Variants in ARFGEF2 observed in about 807,000 individuals in gnomAD.
ARFGEF2 encodes brefeldin A-inhibited guanine nucleotide-exchange protein 2.
A neutral mutation model predicts 219.9 loss-of-function variants in ARFGEF2; 74 were observed. The observed-to-expected ratio is 0.34, with a 90% CI of 0.28 to 0.41. The LOEUF (loss-of-function observed/expected upper bound fraction) is 0.41, where lower values mean the gene tolerates loss of function less well. Among genes scored for constraint, ARFGEF2 ranks in the 10% least tolerant of loss-of-function variants. The pLI, the probability that ARFGEF2 is intolerant of heterozygous loss-of-function variation, is 1.00. For synonymous variants in ARFGEF2, 733 were observed against 799.2 expected, an observed-to-expected ratio of 0.92 and a Z score of 1.40; for missense variants, 1,743 against 2,218.3, an observed-to-expected ratio of 0.79 and a Z score of 4.30.
intron 6 of ARFGEF2, among the ~76,000 whole-genome samples, chr20:48,955,756 C>T (rs748395299): frequency 2.0e-5 from 3 of 152,094 alleles, no homozygotes; most frequent in Admixed American, 6.6e-5. Context: ...TGGGTCAGAA[C>T]GGAAGTGTGC....
chr20:49,017,654 AATT>A, intron 33 of ARFGEF2, 104 bp downstream of exon 33: 1 of 1,145,200 alleles, frequency 8.7e-7, no homozygotes, highest in Non-Finnish European at 1.3e-6. Context: ...AAGTGAGTAA[AATT>A]ATAAGATCTA....
At chr20:48,980,963 G>T (rs2091292116) in intron 14 of ARFGEF2, among the ~76,000 whole-genome samples, 1 of 152,060 alleles carries the variant, frequency 6.6e-6, no homozygotes, top group African/African-American at 2.4e-5. Context: ...TTTAATTGGG[G>T]CATTTATCCC....
rs1253532370 is a variant in ARFGEF2, at chr20:48,922,046, C to T, written c.121+36C>T. 5.1e-6 allele frequency: 8 copies of T among 1,560,452 alleles called. No homozygotes were observed. The African/African-American group carries it at 9.5e-5, about 19-fold the overall frequency. On this transcript the variant is annotated intron_variant, in intron 1 of 38. Transcript: ENST00000371917. ...CGCTCCCGCCCTGCCCCGCGCTGGC[C>T]TCAGCACGTCGGCCGTTGCCCTATC... is the stretch of plus-strand genomic sequence containing the variant.
Position 49,027,885 on chromosome 20 carries a change from T to A in ARFGEF2, c.4925-645T>A, listed in dbSNP as rs1268693610. ...GCTCATGTCTGTAATCCCATTCCTT[T>A]GGAAAGCTAAGACAGGAGGATTGCT... On this transcript the variant is annotated intron_variant, in intron 36 of 38. Transcript: ENST00000371917. 3.3e-5 allele frequency among the ~76,000 whole-genome samples: 5 copies of A among 152,228 alleles called. No individual in the cohort carries two copies. In the South Asian group the frequency reaches 6.2e-4, roughly 19 times the overall value.
intron 1 of ARFGEF2, among the ~76,000 whole-genome samples, chr20:48,934,639 A>G (rs1413029944): frequency 6.6e-6 from 1 of 152,188 alleles, no homozygotes; most frequent in Non-Finnish European, 1.5e-5. Flanking sequence ...TTTGCTGAGA[A>G]TGATGGCTTC....
rs2091079841 is a variant in ARFGEF2, at chr20:48,952,863, C to T, written c.582C>T (p.Phe194=). ...ATLTQMLNVI[F]TRMENQVLQE... is the part of the protein sequence containing the mutation. ...TTACTCAGATGCTGAACGTCATTTT[C>T]ACCCGCATGGAAAACCAAGTGGTGA... The change falls in exon 5 of 39, where the codon TTC becomes TTT. Residue 194 remains phenylalanine (F), a synonymous_variant. Transcript: ENST00000371917. 6.2e-7 allele frequency: 1 copy of T among 1,614,256 alleles called. No individual in the cohort carries two copies. The highest frequency in any genetic ancestry group is 8.5e-7 in the Non-Finnish European group (1 of 1,180,040).
intron 3 of ARFGEF2, among the ~76,000 whole-genome samples, chr20:48,950,814 ATATATATAT>A (rs2091065069): frequency 1.1e-3 from 55 of 50,860 alleles, no homozygotes; most frequent in South Asian, 5.3e-3. Flanking sequence ...AAAAAAAAAT[ATATATATAT>A]ATATATATAT....
At chr20:48,941,063 C>A (rs912846902) in intron 1 of ARFGEF2, 136 bp from the exon 2 acceptor site, 1 of 770,314 alleles carries the variant, frequency 1.3e-6, no homozygotes, top group South Asian at 1.6e-5. Context: ...TTATTTCTTT[C>A]ACTTCATATC....
At chr20:49,017,180 G>A (rs1056005656) in intron 31 of ARFGEF2, 69 bp from the exon 32 acceptor site, 31 of 1,519,182 alleles carry the variant, frequency 2.0e-5, no homozygotes, top group Non-Finnish European at 2.6e-5. Flanking sequence ...ACAATATACA[G>A]TATTTGAGAC....
intron 16 of ARFGEF2, among the ~76,000 whole-genome samples, chr20:48,986,702 G>A (rs2091328238): frequency 6.6e-6 from 1 of 152,080 alleles, no homozygotes; most frequent in Admixed American, 6.6e-5. Flanking sequence ...ATTGTTCAGT[G>A]GAAACTATTT....
intron 36 of ARFGEF2, among the ~76,000 whole-genome samples, chr20:49,028,172 C>T (rs1020552032): frequency 7.9e-5 from 12 of 152,148 alleles, no homozygotes; most frequent in African/African-American, 2.9e-4. Context: ...GCAGGAGAAT[C>T]GCTTGAACCT....
chr20:49,020,673 T>G (rs1292793402), intron 34 of ARFGEF2, among the ~76,000 whole-genome samples: 1 of 152,216 alleles, frequency 6.6e-6, no homozygotes, highest in African/African-American at 2.4e-5. Flanking sequence ...CTTGAATTCT[T>G]GGACTCAAGC....
rs2091648445 is a variant in ARFGEF2, at chr20:49,033,332, G to A, written c.*133G>A. On this transcript the variant is annotated 3_prime_UTR_variant, in exon 39 of 39. Transcript: ENST00000371917. ...TCTCAGAATGGCCTGGAAACGGATG[G>A]CCTCTACGCTGTTCCATCACAGTCT... is the stretch of plus-strand genomic sequence containing the variant. 3.1e-6 allele frequency: 3 copies of A among 967,306 alleles called. No individual in the cohort carries two copies. 59.9% of individuals were successfully genotyped at this position (967,306 alleles called of 1,614,324 possible). A position where few individuals can be genotyped will look rare whatever the true frequency, so the allele number is the denominator to read the frequency against.
At chr20:48,983,296 C>T (rs935957755) in intron 14 of ARFGEF2, among the ~76,000 whole-genome samples, 6 of 152,174 alleles carry the variant, frequency 3.9e-5, no homozygotes, top group African/African-American at 1.4e-4. Context: ...ATGTTTCTTT[C>T]CAGTCTTTTA....
At chr20:48,939,838 A>G (rs2090982745) in intron 1 of ARFGEF2, among the ~76,000 whole-genome samples, 1 of 152,218 alleles carries the variant, frequency 6.6e-6, no homozygotes, top group Non-Finnish European at 1.5e-5. Flanking sequence ...ACCTAAGAAA[A>G]GGAAATTTGC....
intron 1 of ARFGEF2, among the ~76,000 whole-genome samples, chr20:48,926,597 T>G (rs1388236717): frequency 6.6e-6 from 1 of 152,142 alleles, no homozygotes; most frequent in Non-Finnish European, 1.5e-5. Flanking sequence ...TAGCTAGGAC[T>G]ACAGGGGCGT....
At chr20:48,960,145 C>G (rs189800691) in intron 6 of ARFGEF2, among the ~76,000 whole-genome samples, 31 of 152,274 alleles carry the variant, frequency 2.0e-4, no homozygotes, top group Non-Finnish European at 3.7e-4. Context: ...GTATAGCCTA[C>G]TACATACCAT....
chr20:49,006,740 C>A (rs1411439288), intron 26 of ARFGEF2, among the ~76,000 whole-genome samples: 3 of 152,108 alleles, frequency 2.0e-5, no homozygotes, highest in Admixed American at 6.6e-5. Flanking sequence ...GCCAGTGTGG[C>A]TTGAATGGAG....
chr20:49,007,220 G>A (rs986473090), intron 26 of ARFGEF2, among the ~76,000 whole-genome samples: 7 of 151,956 alleles, frequency 4.6e-5, no homozygotes, highest in African/African-American at 7.2e-5. Flanking sequence ...GAGATGTCAA[G>A]GATGACTTTT....
Sources: gnomAD v4.1 joint callset for allele counts (sites outside exome capture counted in the v4.1 genomes callset) on GRCh38, gnomAD v4.1.1 for gene constraint, MANE v1.5 for transcripts, NCBI Gene and HGNC (gene_info 2026-07-23, HGNC 2026-07-21) for gene names.